Variants in IGFN1 observed in about 807,000 individuals in gnomAD.
The protein encoded by IGFN1 is immunoglobulin-like and fibronectin type III domain-containing protein 1.
IGFN1 carries 253 observed loss-of-function variants against 289.5 expected under a neutral mutation model. The observed-to-expected ratio is 0.87, with a 90% CI of 0.79 to 0.97. IGFN1 has a LOEUF of 0.97. Among genes scored for constraint, IGFN1 ranks in the 50% least tolerant of loss-of-function variants. IGFN1 has a pLI of 0.00. For synonymous variants in IGFN1, 1,706 were observed against 1,788.5 expected (o/e 0.95, Z 1.16); for missense variants, 4,470 against 4,686.1 (o/e 0.95, Z 1.35).
At chr1:201,214,813 C>A (rs1482805627) in intron 13 of IGFN1, among the ~76,000 whole-genome samples, 200 bp from the exon 14 acceptor site, 1 of 152,196 alleles carries the variant, frequency 6.6e-6, no homozygotes, top group East Asian at 1.9e-4. Flanking sequence ...TAAAGTGGGA[C>A]AAATAATAGT....
chr1:201,221,730 AGCC>A lies in IGFN1; in HGVS notation c.10186_10188del (p.Ala3396del). On this transcript the variant is annotated inframe_deletion, in exon 19 of 24. Transcript: ENST00000335211. ...CCAGTGCCCTGGACACATTAGTGCAAGCCATGCCTGTTACTGGTGAGTGCTGCC... is the reference window on the plus strand; with the variant it reads ...CCAGTGCCCTGGACACATTAGTGCAAATGCCTGTTACTGGTGAGTGCTGCC... 6.3e-7 allele frequency: 1 copy of A among 1,592,654 alleles called. No homozygotes were observed. Among genetic ancestry groups the A allele is most frequent in the South Asian group, 1.1e-5 (1 of 87,672 alleles).
rs536425006 is a variant in IGFN1 at position 201,206,120 on chromosome 1, C to A, written c.1227C>A (p.Asp409Glu). Reference protein sequence around the residue: ...KDKDLQSTSADHKLQRQGAQA... With the variant: ...KDKDLQSTSAEHKLQRQGAQA... ...AAGACCTTCAGTCCACAAGTGCTGA[C>A]CACAAACTGCAGAGGCAAGGAGCCC... The change falls in exon 12 of 24, where the codon GAC (aspartate) becomes GAA (glutamate). Residue 409 changes from aspartate to glutamate, a missense_variant. By Grantham distance (45) the Asp-to-Glu change is conservative. Transcript: ENST00000335211. The A allele has an allele frequency of 1.3e-6, 2 of 1,550,858 alleles. No homozygotes were observed. The highest frequency in any genetic ancestry group is 1.7e-6 in the Non-Finnish European group (2 of 1,146,916).
In IGFN1 at chr1:201,211,198, A is replaced by G; in HGVS notation, c.6305A>G (p.Asp2102Gly). The change falls in exon 12 of 24, where the codon GAT becomes GGT. Residue 2102 changes from aspartate to glycine, a missense_variant. By Grantham distance (94) the Asp-to-Gly change is moderately conservative. Transcript: ENST00000335211. ...LGGSEEMESM[D>G]EAGYRKDLGA... ...GGTTCTGAAGAAATGGAGTCAATGG[A>G]TGAGGCAGGTTATAGGAAGGATTTG... is the stretch of plus-strand genomic sequence containing the variant. 3 of 1,530,808 alleles carry G rather than the reference A, an allele frequency of 2.0e-6. No individual in the cohort carries two copies. The highest frequency in any genetic ancestry group is 1.7e-4 in the Middle Eastern group (1 of 5,958). The allele number at this position is 1,530,808 out of a possible 1,614,324, so 94.8% of individuals were successfully genotyped here.
Position 201,207,610 on chromosome 1 carries a change from G to A in IGFN1, c.2717G>A (p.Gly906Glu), listed in dbSNP as rs2102335889. The A allele has an allele frequency of 3.3e-6, 5 of 1,537,094 alleles. No homozygotes were observed. The highest frequency in any genetic ancestry group is 4.4e-6 in the Non-Finnish European group (5 of 1,146,880). ...LGAQGSGGTLGDKKGLRGPGS... is the reference protein window; with the variant it reads ...LGAQGSGGTLEDKKGLRGPGS... The stretch of plus-strand genomic sequence containing the variant: ...GCTCAGGGATCTGGGGGGACACTAG[G>A]AGATAAGAAAGGATTAAGAGGTCCT... Residue 906 changes from glycine (G) to glutamate (E), a missense_variant, in exon 12 of 24, where the codon GGA (glycine) becomes GAA (glutamate). Around this residue, in one of 8 missense-constraint regions of IGFN1, gnomAD observed 2,011 missense variants for 1,953.4 expected, o/e 1.03. Coordinates refer to ENST00000335211, the MANE Select transcript of IGFN1 (RefSeq NM_001164586.2).
Position 201,201,846 on chromosome 1 carries a change from G to T in IGFN1, c.747+14G>T, listed in dbSNP as rs761037172. 8.5e-7 allele frequency: 1 copy of T among 1,179,118 alleles called. No individual in the cohort carries two copies. Among genetic ancestry groups the T allele is most frequent in the South Asian group, 1.3e-5 (1 of 76,814 alleles). 73.0% of individuals were successfully genotyped at this position (1,179,118 alleles called of 1,614,324 possible). A position where few individuals can be genotyped will look rare whatever the true frequency, so the allele number is the denominator to read the frequency against. On this transcript the variant is annotated intron_variant, in intron 9 of 23. Coordinates refer to ENST00000335211, the MANE Select transcript of IGFN1 (RefSeq NM_001164586.2). ...TACCTGTATAAGGTGAGGCTGGAGGGGCTATGGGTGGGGGGGATCTGGCAG... is the reference window on the plus strand; with the variant it reads ...TACCTGTATAAGGTGAGGCTGGAGGTGCTATGGGTGGGGGGGATCTGGCAG...
chr1:201,226,600 A>T (rs1295178323), intron 22 of IGFN1, among the ~76,000 whole-genome samples: 1 of 152,230 alleles, frequency 6.6e-6, no homozygotes, highest in Admixed American at 6.5e-5. Context: ...ATCTATAGGT[A>T]GTGAGATTAT....
At position 201,211,697 on chromosome 1, in the gene IGFN1, C is replaced by T. The variant is rs1319273986; in HGVS notation, c.6804C>T (p.Tyr2268=). ...EEMGSGSYTD[Y]RNGLGSSGKI... is the part of the protein sequence containing the mutation. The stretch of plus-strand genomic sequence containing the variant: ...TGGGTTCAGGCAGTTACACAGATTA[C>T]AGGAATGGTTTAGGCAGTTCTGGAA... Residue 2268 remains tyrosine, a synonymous_variant, in exon 12 of 24, where the codon TAC becomes TAT. Transcript: ENST00000335211. The T allele has an allele frequency of 1.0e-5, 16 of 1,536,764 alleles. No homozygotes were observed. Among genetic ancestry groups the T allele is most frequent in the Non-Finnish European group, 1.4e-5 (16 of 1,146,778 alleles).
In IGFN1 at chr1:201,208,616, T is replaced by C; in HGVS notation, c.3723T>C (p.Pro1241=). ...GAGAAAGGTCAAGGGGCCTTGGGCC[T>C]AGGAGTACAGGGCCAGGGGGTGAGG... ...AYGERSRGLG[P]RSTGPGGEAG... is the part of the protein sequence containing the mutation. The change falls in exon 12 of 24, where the codon CCT becomes CCC. Residue 1241 remains proline (P), a synonymous_variant. Coordinates refer to ENST00000335211, the MANE Select transcript of IGFN1 (RefSeq NM_001164586.2). 6.6e-7 allele frequency: 1 copy of C among 1,518,126 alleles called. No individual in the cohort carries two copies. The highest frequency in any genetic ancestry group is 8.8e-7 in the Non-Finnish European group (1 of 1,139,216). 94.0% of individuals were successfully genotyped at this position (1,518,126 alleles called of 1,614,324 possible).
rs1192532965 is a variant in IGFN1 at position 201,226,931 on chromosome 1, G to A, written c.10836G>A (p.Gln3612=). ...APCYREPDLS[Q]KPRFLVGLRS... ...GCTACCGGGAGCCCGACCTGAGCCAGAAGCCCCGGTTCCTGGTGGGCCTGC... is the reference window on the plus strand; with the variant it reads ...GCTACCGGGAGCCCGACCTGAGCCAAAAGCCCCGGTTCCTGGTGGGCCTGC... The change falls in exon 23 of 24, where the codon CAG becomes CAA. Residue 3612 remains glutamine (Q), a synonymous_variant. Coordinates refer to ENST00000335211, the MANE Select transcript of IGFN1 (RefSeq NM_001164586.2). The A allele has an allele frequency of 6.2e-7, 1 of 1,610,142 alleles. No homozygotes were observed. The highest frequency in any genetic ancestry group is 1.7e-5 in the Admixed American group (1 of 59,772).
At position 201,200,381 on chromosome 1, in the gene IGFN1, G is replaced by A; in HGVS notation, c.603G>A (p.Met201Ile). 2 of 1,551,766 alleles carry A rather than the reference G, an allele frequency of 1.3e-6. No homozygotes were observed. Among genetic ancestry groups the A allele is most frequent in the Non-Finnish European group, 8.7e-7 (1 of 1,147,012 alleles). ...YRGMLRRLQE[M>I]KKEQEDKMAQ... ...GCATGTTGCGCAGGCTGCAGGAGAT[G>A]AAGAAGGAACAGGAGGACAAGATGG... is the stretch of plus-strand genomic sequence containing the variant. Residue 201 changes from methionine (M) to isoleucine (I), a missense_variant, in exon 8 of 24, where the codon ATG becomes ATA. By Grantham distance (10) the Met-to-Ile change is conservative. This residue lies in a region of IGFN1 where 2,011 missense variants were observed against 1,953.4 expected (regional missense o/e 1.03). Transcript: ENST00000335211.
Position 201,207,855 on chromosome 1 carries a change from G to C in IGFN1, c.2962G>C (p.Gly988Arg). 1 of 1,536,048 alleles carries C rather than the reference G, an allele frequency of 6.5e-7. No homozygotes were observed. Among genetic ancestry groups the C allele is most frequent in the Non-Finnish European group, 8.7e-7 (1 of 1,146,224 alleles). ...TCCAGGAGAAATGGGGTCCGGCCAT[G>C]GTGCTGGTTGTAGAGTTTCCCCTAG... is the stretch of plus-strand genomic sequence containing the variant. ...GVPGEMGSGHGAGCRVSPRAP... is the reference protein window; with the variant it reads ...GVPGEMGSGHRAGCRVSPRAP... Residue 988 changes from glycine (G) to arginine (R), a missense_variant, in exon 12 of 24, where the codon GGT becomes CGT. Transcript: ENST00000335211.
chr1:201,212,381 T>C lies in IGFN1; in HGVS notation c.7488T>C (p.Ser2496=). The change falls in exon 12 of 24, where the codon AGT becomes AGC. Residue 2496 remains serine (S), a synonymous_variant. Coordinates refer to ENST00000335211, the MANE Select transcript of IGFN1 (RefSeq NM_001164586.2). ...GKPDVKEWQD[S]SGTPGSSRDR... ...CAGATGTCAAAGAATGGCAAGACAG[T>C]TCTGGGACTCCAGGGTCTTCTAGAG... 6.5e-7 allele frequency: 1 copy of C among 1,536,844 alleles called. No homozygotes were observed. Among genetic ancestry groups the C allele is most frequent in the South Asian group, 1.2e-5 (1 of 84,044 alleles).
intron 12 of IGFN1, 98 bp downstream of exon 12, chr1:201,213,719 G>T: frequency 6.8e-6 from 7 of 1,027,712 alleles, no homozygotes; most frequent in Non-Finnish European, 1.0e-5. Context: ...TCTGCCTCCA[G>T]CCCCAGGAGT....
chr1:201,205,845 G>C (rs1667391889), intron 11 of IGFN1, among the ~76,000 whole-genome samples: 1 of 152,226 alleles, frequency 6.6e-6, no homozygotes, highest in Non-Finnish European at 1.5e-5. Flanking sequence ...GAAGCCTATA[G>C]CAGGGTGGCC....
chr1:201,204,618 T>C (rs574013740), intron 10 of IGFN1, among the ~76,000 whole-genome samples: 27 of 152,220 alleles, frequency 1.8e-4, no homozygotes, highest in East Asian at 1.9e-4. Context: ...GGAAAAGAAG[T>C]ATGGGTTTGG....
Position 201,199,665 on chromosome 1 carries a change from G to A in IGFN1, c.458+11G>A, listed in dbSNP as rs1320561653. ...GTTGCTGAAAAAGAGGTGGGTTTGG[G>A]CCTGTCCATGAGGGATTTTGGAGGC... On this transcript the variant is annotated intron_variant, in intron 7 of 23. Transcript: ENST00000335211. 2 of 1,551,084 alleles carry A rather than the reference G, an allele frequency of 1.3e-6. No individual in the cohort carries two copies. The highest frequency in any genetic ancestry group is 2.0e-5 in the Admixed American group (1 of 50,982).
Position 201,205,281 on chromosome 1 carries a change from A to G in IGFN1, c.1116A>G (p.Ala372=). The G allele has an allele frequency of 6.4e-7, 1 of 1,550,812 alleles. No homozygotes were observed. Among genetic ancestry groups the G allele is most frequent in the Non-Finnish European group, 8.7e-7 (1 of 1,146,908 alleles). The change falls in exon 11 of 24, where the codon GCA becomes GCG. Residue 372 remains alanine, a synonymous_variant. Transcript: ENST00000335211. ...GLTHRLVVRG[A]RFSDMGPYSL... is the part of the protein sequence containing the mutation. ...CCCACCGGCTGGTGGTGAGGGGGGC[A>G]CGTTTCTCAGACATGGGCCCCTATT...
Position 201,221,486 on chromosome 1 carries a change from C to T in IGFN1, c.9941C>T (p.Ser3314Leu), listed in dbSNP as rs145464673. The change falls in exon 19 of 24, where the codon TCG becomes TTG. Residue 3314 changes from serine to leucine, a missense_variant. By Grantham distance (145) the Ser-to-Leu change is moderately radical. Around this residue, in one of 8 missense-constraint regions of IGFN1, gnomAD observed 2,218 missense variants for 2,114.1 expected, o/e 1.05. Coordinates refer to ENST00000335211, the MANE Select transcript of IGFN1 (RefSeq NM_001164586.2). The stretch of plus-strand genomic sequence containing the variant: ...AGGAATCTCCAAGTCACAGACAGAT[C>T]GAACACCAGCATCACTCTGAGCTGG... ...LVRNLQVTDR[S>L]NTSITLSWAG... The T allele has an allele frequency of 1.1e-3, 1,825 of 1,611,384 alleles. 2 individuals are homozygous for T. The highest frequency in any genetic ancestry group is 1.5e-3 in the Non-Finnish European group (1,750 of 1,178,736).
chr1:201,228,400 C>T lies in IGFN1; in HGVS notation c.*1C>T, dbSNP rs1456464108. 6.2e-7 allele frequency: 1 copy of T among 1,613,960 alleles called. No individual in the cohort carries two copies. On this transcript the variant is annotated 3_prime_UTR_variant, in exon 24 of 24. Transcript: ENST00000335211. ...GTGTCTTGCAGAACCCAGCACCTAG[C>T]CTCACCTCACCCTGGGATGGTCCTG...
Sources: gnomAD v4.1 joint callset for allele counts (sites outside exome capture counted in the v4.1 genomes callset) on GRCh38, gnomAD v4.1.1 for gene constraint, gnomAD v4.1.1 regional missense constraint, MANE v1.5 for transcripts, NCBI Gene and HGNC (gene_info 2026-07-23, HGNC 2026-07-21) for gene names.